FHIT: variants seen among roughly 807,000 people sequenced by gnomAD.
FHIT encodes fragile histidine triad diadenosine triphosphatase.
A neutral mutation model predicts 17.9 loss-of-function variants in FHIT; 19 were observed. The ratio of observed to expected loss-of-function variants is 1.06; its 90% CI spans 0.74 to 1.56. FHIT has a LOEUF of 1.56. FHIT is among the 40% of genes most tolerant of loss of function. The pLI is 0.00. For synonymous variants in FHIT, 81 were observed against 69.7 expected (o/e 1.16, Z -0.81); for missense variants, 248 against 189.2 (o/e 1.31, Z -1.82).
intron 2 of FHIT, among the ~76,000 whole-genome samples, chr3:61,084,990 C>A (rs911611980): frequency 1.3e-5 from 2 of 152,148 alleles, no homozygotes; most frequent in Non-Finnish European, 2.9e-5. Context: ...CTGTTCATTC[C>A]TTTACAATGT....
At chr3:60,562,762 A>G (rs2107646823) in intron 4 of FHIT, among the ~76,000 whole-genome samples, 1 of 152,302 alleles carries the variant, frequency 6.6e-6, no homozygotes, top group East Asian at 1.9e-4. Flanking sequence ...GACTTTGAGA[A>G]GCCCTGGAGC....
chr3:60,766,485 A>AG (rs1559705571), intron 4 of FHIT, among the ~76,000 whole-genome samples: 1 of 151,954 alleles, frequency 6.6e-6, no homozygotes, highest in Admixed American at 6.6e-5. Context: ...CTGGGAGTTT[A>AG]CCAGGAAGCT....
chr3:60,607,724 T>C (rs546228895), intron 4 of FHIT, among the ~76,000 whole-genome samples: 2 of 152,274 alleles, frequency 1.3e-5, no homozygotes, highest in South Asian at 4.1e-4. Flanking sequence ...CATTTTGTAC[T>C]AATTTCACTA....
intron 5 of FHIT, among the ~76,000 whole-genome samples, chr3:60,237,259 T>C (rs1356442068): frequency 7.0e-6 from 1 of 143,548 alleles, no homozygotes; most frequent in Non-Finnish European, 1.5e-5. Flanking sequence ...GTTTTGTTTT[T>C]CCATTTTTTT....
chr3:59,894,623 C>A (rs552611068), intron 8 of FHIT, among the ~76,000 whole-genome samples: 1 of 152,166 alleles, frequency 6.6e-6, no homozygotes, highest in Admixed American at 6.5e-5. Flanking sequence ...ATAGACTCTA[C>A]CACCAAGATG....
At chr3:60,173,915 A>ATATATATATATATATATATATATATT in intron 5 of FHIT, among the ~76,000 whole-genome samples, 1 of 66,444 alleles carries the variant, frequency 1.5e-5, no homozygotes, top group Non-Finnish European at 2.8e-5. Flanking sequence ...ATATATATAT[A>ATATATATATATATATATATATATATT]TGTTTTTTTT....
intron 5 of FHIT, among the ~76,000 whole-genome samples, chr3:60,367,693 A>G (rs991667301): frequency 6.6e-6 from 1 of 152,228 alleles, no homozygotes; most frequent in Non-Finnish European, 1.5e-5. Flanking sequence ...CAAAAGTTAC[A>G]TGGTATGACC....
chr3:60,655,568 C>T (rs564497279), intron 4 of FHIT, among the ~76,000 whole-genome samples: 12 of 152,248 alleles, frequency 7.9e-5, no homozygotes, highest in African/African-American at 2.9e-4. Flanking sequence ...GGCTTAATGA[C>T]AGGATGACAT....
intron 5 of FHIT, among the ~76,000 whole-genome samples, chr3:60,356,231 G>C (rs916817063): frequency 2.6e-5 from 4 of 152,134 alleles, no homozygotes; most frequent in African/African-American, 9.7e-5. Flanking sequence ...AAAAGTAACC[G>C]AGCAGAGCCT....
intron 4 of FHIT, among the ~76,000 whole-genome samples, chr3:60,698,579 A>G (rs2041167188): frequency 6.6e-6 from 1 of 152,192 alleles, no homozygotes; most frequent in Non-Finnish European, 1.5e-5. Flanking sequence ...CAGATATTTA[A>G]GCTAACAATG....
At chr3:60,471,292 C>T (rs1272841840) in intron 5 of FHIT, among the ~76,000 whole-genome samples, 1 of 152,182 alleles carries the variant, frequency 6.6e-6, no homozygotes, top group African/African-American at 2.4e-5. Context: ...ACTTTCCTTG[C>T]AGTCCTTGTG....
At chr3:60,234,899 G>A (rs554762706) in intron 5 of FHIT, among the ~76,000 whole-genome samples, 14 of 152,170 alleles carry the variant, frequency 9.2e-5, no homozygotes, top group Admixed American at 2.6e-4. Context: ...AATAATGATG[G>A]TTTAGTATCA....
At chr3:60,648,707 A>T (rs35595048) in intron 4 of FHIT, among the ~76,000 whole-genome samples, 10,112 of 152,258 alleles carry the variant, frequency 0.066, 494 homozygotes, top group Non-Finnish European at 0.1. Context: ...CTCCAGAGCT[A>T]AGAGAGCTAA....
chr3:60,881,792 A>C (rs782781164), intron 3 of FHIT, among the ~76,000 whole-genome samples: 1 of 152,100 alleles, frequency 6.6e-6, no homozygotes, highest in Non-Finnish European at 1.5e-5. Context: ...AACAATAAAC[A>C]CATCAAAAGA....
At chr3:60,575,636 C>G (rs782756736) in intron 4 of FHIT, among the ~76,000 whole-genome samples, 7 of 152,130 alleles carry the variant, frequency 4.6e-5, no homozygotes, top group Non-Finnish European at 1.0e-4. Flanking sequence ...CAACTGGCAT[C>G]GGAGACAGAA....
At chr3:60,474,864 C>G (rs2033267229) in intron 5 of FHIT, among the ~76,000 whole-genome samples, 1 of 152,184 alleles carries the variant, frequency 6.6e-6, no homozygotes, top group African/African-American at 2.4e-5. Flanking sequence ...CTAACCTGAT[C>G]TGCCCACCTC....
At chr3:60,604,086 A>G (rs1179240676) in intron 4 of FHIT, among the ~76,000 whole-genome samples, 1 of 152,200 alleles carries the variant, frequency 6.6e-6, no homozygotes, top group Non-Finnish European at 1.5e-5. Context: ...AAGTACTTAT[A>G]GCAATGGGAG....
intron 2 of FHIT, among the ~76,000 whole-genome samples, chr3:61,098,137 G>A (rs901386196): frequency 2.2e-4 from 33 of 152,152 alleles, no homozygotes; most frequent in African/African-American, 7.2e-4. Flanking sequence ...ATGATATAAG[G>A]AAGGGGTTCA....
chr3:59,911,958 C>T (rs1192885201), intron 8 of FHIT, among the ~76,000 whole-genome samples: 2 of 152,152 alleles, frequency 1.3e-5, no homozygotes, highest in African/African-American at 2.4e-5. Context: ...TCTGGTAGTT[C>T]ATAAAGGCAG....
Sources: allele counts gnomAD v4.1 joint callset (sites outside exome capture counted in the v4.1 genomes callset), GRCh38; gene constraint gnomAD v4.1.1; transcripts MANE v1.5; gene names NCBI Gene and HGNC (gene_info 2026-07-23, HGNC 2026-07-21).